PLTP: variants seen among roughly 807,000 people sequenced by gnomAD.
PLTP encodes phospholipid transfer protein, also known as BPI fold containing family E.
PLTP carries 43 observed loss-of-function variants against 54.1 expected under a neutral mutation model. The ratio of observed to expected loss-of-function variants is 0.79; its 90% CI spans 0.62 to 1.02. The LOEUF (loss-of-function observed/expected upper bound fraction) is 1.02, where lower values mean the gene tolerates loss of function less well. Among genes scored for constraint, PLTP ranks in the 50% least tolerant of loss-of-function variants. The pLI, the probability that PLTP is intolerant of heterozygous loss-of-function variation, is 0.00. For synonymous variants in PLTP, 263 were observed against 264.6 expected (o/e 0.99, Z 0.06); for missense variants, 604 against 645.9 (o/e 0.94, Z 0.70).
intron 12 of PLTP, 79 bp downstream of exon 12, chr20:45,902,188 G>T: frequency 5.6e-6 from 8 of 1,440,356 alleles, no homozygotes; most frequent in Non-Finnish European, 7.7e-6. Flanking sequence ...AGGTATCACT[G>T]TACTTTAAGC....
In PLTP at chr20:45,902,348, G is replaced by A. The variant is rs922418509; in HGVS notation, c.1108-14C>T. On this transcript the variant is annotated splice_polypyrimidine_tract_variant and intron_variant, in intron 11 of 15. Coordinates refer to ENST00000372431, the MANE Select transcript of PLTP (RefSeq NM_006227.4). ...GAGACGGGCGTCCTGCAGGAACATG[G>A]GGAGGAGGATGTTACTGACCCAGAA... 11 of 1,614,072 alleles carry A rather than the reference G, an allele frequency of 6.8e-6. No individual in the cohort carries two copies. In the Admixed American group the frequency reaches 1.7e-4, roughly 24 times the overall value.
rs2083273033 is a variant in PLTP at position 45,909,744 on chromosome 20, C to T, written c.330-73G>A. ...TTCAGTGCCCCCATGCATCACCATA[C>T]CTCTTAATAAGGTTTCACCTCTTTC... On this transcript the variant is annotated intron_variant, in intron 4 of 15. Transcript: ENST00000372431. The T allele has an allele frequency of 3.2e-6, 5 of 1,548,390 alleles. No individual in the cohort carries two copies. The South Asian group carries it at 4.5e-5, about 14-fold the overall frequency.
In PLTP at chr20:45,898,707, A is replaced by T. The variant is rs2083141740; in HGVS notation, c.*234T>A. The stretch of plus-strand genomic sequence containing the variant: ...CTCTGCTTAAAGAATGCCCTTTATG[A>T]TGCACTGATTCCATCCCAGGAACCC... On this transcript the variant is annotated 3_prime_UTR_variant, in exon 16 of 16. Coordinates refer to ENST00000372431, the MANE Select transcript of PLTP (RefSeq NM_006227.4). This position sits in a 1 kb window ranked among gnomAD's most constrained non-coding sequence, Gnocchi z 4.6. The T allele has an allele frequency of 6.1e-6, 4 of 657,158 alleles. No homozygotes were observed. The highest frequency in any genetic ancestry group is 5.3e-6 in the Non-Finnish European group (2 of 379,120). The allele number at this position is 657,158 out of a possible 1,614,324, so 40.7% of individuals were successfully genotyped here. A position where few individuals can be genotyped will look rare whatever the true frequency, so the allele number is the denominator to read the frequency against.
chr20:45,905,176 C>G (rs528502543), intron 8 of PLTP, 58 bp from the exon 9 acceptor site: 840 of 1,486,882 alleles, frequency 5.6e-4, no homozygotes, highest in Non-Finnish European at 7.5e-4. Context: ...CCTGGACTGA[C>G]AGCAGGTGTC....
At chr20:45,906,733 A>T (rs1018229540) in intron 7 of PLTP, among the ~76,000 whole-genome samples, 1 of 74,096 alleles carries the variant, frequency 1.3e-5, no homozygotes, top group Non-Finnish European at 4.6e-5. Context: ...TCTACTAAAA[A>T]TACAAAAATT....
At chr20:45,911,629 C>G (rs1482513253) in intron 1 of PLTP, 166 bp from the exon 2 acceptor site, 3 of 901,096 alleles carry the variant, frequency 3.3e-6, no homozygotes, top group Admixed American at 4.8e-5. Context: ...GAAACTGAGG[C>G]TCAGAGAGGC....
In PLTP at chr20:45,898,822, C is replaced by T; in HGVS notation, c.*119G>A. On this transcript the variant is annotated 3_prime_UTR_variant, in exon 16 of 16. Transcript: ENST00000372431. This position sits in a 1 kb window ranked among gnomAD's most constrained non-coding sequence, Gnocchi z 4.6. Reference sequence around the variant, plus strand: ...AATTAAATTGGGTACAGCTTCAAATCCCGTCTTCTCTGTGGCACTGGGGGT... The same window carrying T: ...AATTAAATTGGGTACAGCTTCAAATTCCGTCTTCTCTGTGGCACTGGGGGT... 1 of 1,165,304 alleles carries T rather than the reference C, an allele frequency of 8.6e-7. No individual in the cohort carries two copies. The highest frequency in any genetic ancestry group is 1.2e-6 in the Non-Finnish European group (1 of 828,994). 72.2% of individuals were successfully genotyped at this position (1,165,304 alleles called of 1,614,324 possible). A position where few individuals can be genotyped will look rare whatever the true frequency, so the allele number is the denominator to read the frequency against.
rs1479922538 is a variant in PLTP, at chr20:45,907,743, G to A, written c.562C>T (p.Leu188Phe). 6.2e-7 allele frequency: 1 copy of A among 1,613,750 alleles called. No homozygotes were observed. The highest frequency in any genetic ancestry group is 2.2e-5 in the East Asian group (1 of 44,876). ...AGCAGGACCGTCCCTGCGTGGTAGA[G>A]GACAGGGCAGATCTGCGAGGTGGGA... ...FLLNQQICPV[L>F]YHAGTVLLNS... The change falls in exon 7 of 16, where the codon CTC becomes TTC. Residue 188 changes from leucine to phenylalanine, a missense_variant. Coordinates refer to ENST00000372431, the MANE Select transcript of PLTP (RefSeq NM_006227.4).
At chr20:45,908,228 A>C (rs2083259024) in intron 5 of PLTP, among the ~76,000 whole-genome samples, 1 of 151,862 alleles carries the variant, frequency 6.6e-6, no homozygotes, top group East Asian at 1.9e-4. Context: ...GTATTTTCCC[A>C]TCTGAGCTCA....
At chr20:45,901,303 G>A (rs1397415759) in intron 12 of PLTP, among the ~76,000 whole-genome samples, 1 of 152,132 alleles carries the variant, frequency 6.6e-6, no homozygotes, top group East Asian at 1.9e-4. Context: ...ATGAGGCCTA[G>A]AAAGACAAAA....
At chr20:45,911,302 G>A in intron 2 of PLTP, 51 bp from the exon 3 acceptor site, 1 of 1,612,238 alleles carries the variant, frequency 6.2e-7, no homozygotes, top group South Asian at 1.1e-5. Context: ...CTGTTGGGGC[G>A]ACCCCAACCC....
At position 45,898,835 on chromosome 20, in the gene PLTP, T is replaced by C. The variant is rs1454795029; in HGVS notation, c.*106A>G. On this transcript the variant is annotated 3_prime_UTR_variant, in exon 16 of 16. Coordinates refer to ENST00000372431, the MANE Select transcript of PLTP (RefSeq NM_006227.4). The surrounding 1 kb of genome is among the most constrained non-coding windows in gnomAD (Gnocchi z 4.6). Reference sequence around the variant, plus strand: ...ACAGCTTCAAATCCCGTCTTCTCTGTGGCACTGGGGGTTAGAGGGGGCACT... The same window carrying C: ...ACAGCTTCAAATCCCGTCTTCTCTGCGGCACTGGGGGTTAGAGGGGGCACT... 1 of 1,272,588 alleles carries C rather than the reference T, an allele frequency of 7.9e-7. No individual in the cohort carries two copies. Among genetic ancestry groups the C allele is most frequent in the African/African-American group, 1.5e-5 (1 of 67,332 alleles). The allele number at this position is 1,272,588 out of a possible 1,614,324, so 78.8% of individuals were successfully genotyped here.
At chr20:45,908,644 A>G (rs1469674040) in intron 5 of PLTP, among the ~76,000 whole-genome samples, 1 of 152,038 alleles carries the variant, frequency 6.6e-6, no homozygotes, top group Non-Finnish European at 1.5e-5. Context: ...TACTAAAAAT[A>G]CAAAAAAAGT....
intron 15 of PLTP, 33 bp downstream of exon 15, chr20:45,899,429 C>T (rs1292544271): frequency 6.3e-7 from 1 of 1,594,656 alleles, no homozygotes; most frequent in Admixed American, 1.7e-5. Flanking sequence ...GAGGGGAAGG[C>T]CCTCCCTCCT....
intron 11 of PLTP, 27 bp downstream of exon 11, chr20:45,902,413 C>A: frequency 6.2e-7 from 1 of 1,614,176 alleles, no homozygotes; most frequent in Non-Finnish European, 8.5e-7. Flanking sequence ...GACCCCCAGC[C>A]AGCAGCCCCC....
At chr20:45,910,928 C>G in intron 3 of PLTP, 2 of 1,426,020 alleles carry the variant, frequency 1.4e-6, no homozygotes, top group Non-Finnish European at 1.8e-6. Flanking sequence ...CTTCTTGGCC[C>G]CCTCTACATT....
At position 45,907,996 on chromosome 20, in the gene PLTP, G is replaced by A; in HGVS notation, c.486-92C>T. The A allele has an allele frequency of 2.7e-6, 3 of 1,129,012 alleles. No homozygotes were observed. The South Asian group carries it at 4.0e-5, about 15-fold the overall frequency. The allele number at this position is 1,129,012 out of a possible 1,614,324, so 69.9% of individuals were successfully genotyped here. ...ATCAGTGACTAGGGAAATAGTGGCA[G>A]TAGGAGTCCTCAGCTTCAGCCTGAA... On this transcript the variant is annotated intron_variant, in intron 5 of 15. Coordinates refer to ENST00000372431, the MANE Select transcript of PLTP (RefSeq NM_006227.4).
At chr20:45,900,219 C>T (rs2083170523) in intron 12 of PLTP, among the ~76,000 whole-genome samples, 1 of 147,382 alleles carries the variant, frequency 6.8e-6, no homozygotes, top group Non-Finnish European at 1.5e-5. Flanking sequence ...ATTCTCCTGG[C>T]TCAGCCTCCC....
intron 12 of PLTP, among the ~76,000 whole-genome samples, chr20:45,901,341 T>C (rs753335057): frequency 1.3e-5 from 2 of 152,196 alleles, no homozygotes; most frequent in Non-Finnish European, 2.9e-5. Context: ...CTCACGCCTG[T>C]AATCCTAGCA....
Sources: gnomAD v4.1 joint callset for allele counts (sites outside exome capture counted in the v4.1 genomes callset) on GRCh38, gnomAD v4.1.1 for gene constraint, Gnocchi (gnomAD v3.1) non-coding constraint, MANE v1.5 for transcripts, NCBI Gene and HGNC (gene_info 2026-07-23, HGNC 2026-07-21) for gene names.